The following ZNF587 variants were observed in gnomAD, a reference collection of about 807,000 sequenced individuals.
ZNF587 encodes zinc finger protein 587.
ZNF587 carries 8 observed loss-of-function variants against 7.5 expected under a neutral mutation model. That is an observed-to-expected ratio of 1.06 (90% CI 0.62 to 1.92). ZNF587 has a LOEUF of 1.92. ZNF587 is among the 40% of genes most tolerant of loss of function. ZNF587 has a pLI of 0.00. For missense variants in ZNF587, 468 were observed against 692.8 expected (o/e 0.68, Z 3.64); for synonymous variants, 145 against 237.8 (o/e 0.61, Z 3.59).
intron 1 of ZNF587, 68 bp from the exon 2 acceptor site, chr19:57,856,036 T>A: frequency 6.3e-7 from 1 of 1,599,060 alleles, no homozygotes; most frequent in Non-Finnish European, 8.5e-7. Flanking sequence ...AGGGTGGGTG[T>A]GTGGGAGAGG....
In ZNF587 at chr19:57,855,982, G is replaced by A. The variant is rs1369051531; in HGVS notation, c.34-122G>A. The A allele has an allele frequency of 4.0e-6, 6 of 1,507,542 alleles. No homozygotes were observed. In the Admixed American group the frequency reaches 6.7e-5, roughly 17 times the overall value. The allele number at this position is 1,507,542 out of a possible 1,614,324, so 93.4% of individuals were successfully genotyped here. ...TGAAGAGACAAAGGCACCAGTGGAT[G>A]TGGTTTCAACTCCGTGTTGGGGACC... is the stretch of plus-strand genomic sequence containing the variant. On this transcript the variant is annotated intron_variant, in intron 1 of 2. Coordinates refer to ENST00000339656, the MANE Select transcript of ZNF587 (RefSeq NM_032828.4).
chr19:57,862,097 A>T lies in ZNF587; in HGVS notation c.*1957A>T, dbSNP rs181928613. On this transcript the variant is annotated 3_prime_UTR_variant, in exon 3 of 3. Coordinates refer to ENST00000339656, the MANE Select transcript of ZNF587 (RefSeq NM_032828.4). ...CTGAATACTTGGTTTTCAGTACCAC[A>T]AGAACTATGAGCTGGTTATCCACTT... The T allele has an allele frequency of 6.6e-6, 1 of 152,184 alleles. No individual in the cohort carries two copies. The highest frequency in any genetic ancestry group is 2.4e-5 in the African/African-American group (1 of 41,528). 9.4% of individuals were successfully genotyped at this position (152,184 alleles called of 1,614,324 possible). A position where few individuals can be genotyped will look rare whatever the true frequency, so the allele number is the denominator to read the frequency against.
At chr19:57,854,293 C>G (rs2375150) in intron 1 of ZNF587, among the ~76,000 whole-genome samples, 5 of 151,322 alleles carry the variant, frequency 3.3e-5, no homozygotes, top group Admixed American at 6.6e-5. Context: ...AGGGCCATGG[C>G]TATCTGAAGC....
intron 1 of ZNF587, among the ~76,000 whole-genome samples, chr19:57,852,587 C>G (rs11878564): frequency 7.0e-6 from 1 of 142,582 alleles, no homozygotes; most frequent in Non-Finnish European, 1.5e-5. Context: ...AGTGCAATGG[C>G]GCAATCTTGG....
In ZNF587 at chr19:57,859,428, T is replaced by C; in HGVS notation, c.1016T>C (p.Leu339Pro). Residue 339 changes from leucine (L) to proline (P), a missense_variant, in exon 3 of 3, where the codon CTC becomes CCC. By Grantham distance (98) the Leu-to-Pro change is moderately conservative. This residue lies in a region of ZNF587 where 310 missense variants were observed against 325.6 expected (regional missense o/e 0.95). Transcript: ENST00000339656. The stretch of plus-strand genomic sequence containing the variant: ...AAATCTTTTGGTCAAAAGGGTAACC[T>C]CATTCAACATCAGCAAGGTCACACT... ...CGKSFGQKGN[L>P]IQHQQGHTGE... is the part of the protein sequence containing the mutation. 1 of 1,611,094 alleles carries C rather than the reference T, an allele frequency of 6.2e-7. No homozygotes were observed.
chr19:57,857,262 C>T (rs2071369359), intron 2 of ZNF587: 1 of 151,984 alleles, frequency 6.6e-6, no homozygotes, highest in Non-Finnish European at 1.5e-5. Flanking sequence ...CCAAATCATA[C>T]CAGAAACCAT....
At chr19:57,851,019 C>G (rs1440792368) in intron 1 of ZNF587, 1 of 152,942 alleles carries the variant, frequency 6.5e-6, no homozygotes, top group African/African-American at 2.4e-5. Context: ...CCTGAGCAAC[C>G]CATGGAATGC....
chr19:57,857,626 A>ATATG (rs1555775124), intron 2 of ZNF587, among the ~76,000 whole-genome samples: 5 of 151,508 alleles, frequency 3.3e-5, no homozygotes, highest in African/African-American at 1.2e-4. Flanking sequence ...ATATATATAT[A>ATATG]TGTGTGTGTG....
In ZNF587 at chr19:57,859,758, A is replaced by G. The variant is rs1177200495; in HGVS notation, c.1346A>G (p.Tyr449Cys). 6.2e-7 allele frequency: 1 copy of G among 1,613,132 alleles called. No homozygotes were observed. The highest frequency in any genetic ancestry group is 2.2e-5 in the East Asian group (1 of 44,818). ...RECGKLFNRK[Y>C]HLLVHERVHT... The stretch of plus-strand genomic sequence containing the variant: ...TGTGGGAAATTATTTAACAGGAAGT[A>G]TCATCTTCTGGTTCATGAGAGAGTT... Residue 449 changes from tyrosine (Y) to cysteine (C), a missense_variant, in exon 3 of 3, where the codon TAT becomes TGT. Physicochemically the swap from Tyr to Cys is radical, Grantham distance 194. Around this residue, in one of 5 missense-constraint regions of ZNF587, gnomAD observed 310 missense variants for 325.6 expected, o/e 0.95. Coordinates refer to ENST00000339656, the MANE Select transcript of ZNF587 (RefSeq NM_032828.4).
intron 1 of ZNF587, among the ~76,000 whole-genome samples, chr19:57,855,623 G>A (rs1420521000): frequency 6.7e-6 from 1 of 150,218 alleles, no homozygotes; most frequent in Non-Finnish European, 1.5e-5. Flanking sequence ...GTGCAGTGGT[G>A]TGATCTCGGC....
rs1396176549 is a variant in ZNF587, at chr19:57,860,020, T to C, written c.1608T>C (p.Ile536=). 1 of 1,614,068 alleles carries C rather than the reference T, an allele frequency of 6.2e-7. No homozygotes were observed. Among genetic ancestry groups the C allele is most frequent in the East Asian group, 2.2e-5 (1 of 44,866 alleles). The change falls in exon 3 of 3, where the codon ATT becomes ATC. Residue 536 remains isoleucine, a synonymous_variant. Transcript: ENST00000339656. ...CCTTTTCTGAATGTTCCAGTCTCAT[T>C]AAACACAGGAGAATTCACACTGGAG... ...GKSFSECSSL[I]KHRRIHTGER...
At chr19:57,850,235 T>C in intron 1 of ZNF587, 164 bp downstream of exon 1, 2 of 1,271,212 alleles carry the variant, frequency 1.6e-6, no homozygotes, top group South Asian at 1.3e-5. Flanking sequence ...TGGGTTCACG[T>C]TGCCAGCTGC....
At position 57,861,789 on chromosome 19, in the gene ZNF587, T is replaced by TTTTTTTTTTTTTTTTC. The variant is rs1555775628; in HGVS notation, c.*1649_*1650insTTTTTTTTTTTTTTTC. 4 of 148,050 alleles carry TTTTTTTTTTTTTTTTC rather than the reference T, an allele frequency of 2.7e-5. No homozygotes were observed. The highest frequency in any genetic ancestry group is 1.0e-4 in the African/African-American group (4 of 38,332). The allele number at this position is 148,050 out of a possible 1,614,324, so 9.2% of individuals were successfully genotyped here. A position where few individuals can be genotyped will look rare whatever the true frequency, so the allele number is the denominator to read the frequency against. On this transcript the variant is annotated 3_prime_UTR_variant, in exon 3 of 3. Transcript: ENST00000339656. Reference sequence around the variant, plus strand: ...TTTGGTTTTCTTTTTTTTTTTTTTTTCCAGATGGAGTCTAGCTCTGTCTCC... The same window carrying TTTTTTTTTTTTTTTTC: ...TTTGGTTTTCTTTTTTTTTTTTTTTTTTTTTTTTTTTTTTTCCCAGATGGAGTCTAGCTCTGTCTCC...
Position 57,856,195 on chromosome 19 carries a change from A to G in ZNF587, c.125A>G (p.Asp42Gly), listed in dbSNP as rs1358574006. Residue 42 changes from aspartate (D) to glycine (G), a missense_variant, in exon 2 of 3, where the codon GAT becomes GGT. Asp to Gly is a moderately conservative substitution (Grantham distance 94). This residue lies in a region of ZNF587 where 92 missense variants were observed against 89.7 expected (regional missense o/e 1.03). Transcript: ENST00000339656. ...LSEAQRCLYR[D>G]VMLENLALIS... is the part of the protein sequence containing the mutation. Reference sequence around the variant, plus strand: ...GAGGCTCAGAGGTGCTTGTACCGTGATGTGATGCTAGAGAACCTGGCTCTC... The same window carrying G: ...GAGGCTCAGAGGTGCTTGTACCGTGGTGTGATGCTAGAGAACCTGGCTCTC... 6.2e-7 allele frequency: 1 copy of G among 1,603,412 alleles called. No homozygotes were observed. The highest frequency in any genetic ancestry group is 1.3e-5 in the African/African-American group (1 of 74,466).
In ZNF587 at chr19:57,850,077, T is replaced by G. The variant is rs1568504509; in HGVS notation, c.33+6T>G. The G allele has an allele frequency of 6.2e-7, 1 of 1,614,250 alleles. No individual in the cohort carries two copies. Among genetic ancestry groups the G allele is most frequent in the South Asian group, 1.1e-5 (1 of 91,088 alleles). ...TGCCGAGGCGCCCAACTCAGGTAAT[T>G]GTGGTGCCTTCTGTGCCCTCAGGTC... On this transcript the variant is annotated splice_donor_region_variant and intron_variant, in intron 1 of 2. Coordinates refer to ENST00000339656, the MANE Select transcript of ZNF587 (RefSeq NM_032828.4).
intron 1 of ZNF587, among the ~76,000 whole-genome samples, chr19:57,855,118 A>C (rs1217940574): frequency 6.6e-6 from 1 of 151,936 alleles, no homozygotes; most frequent in Non-Finnish European, 1.5e-5. Flanking sequence ...TGGGAGGCAG[A>C]GCTTGCACTG....
chr19:57,858,506 G>A (rs992432473), intron 2 of ZNF587, 70 bp from the exon 3 acceptor site: 5 of 1,540,942 alleles, frequency 3.2e-6, no homozygotes, highest in Middle Eastern at 1.8e-4. Context: ...TTTGTGAGAC[G>A]TACTTGTGGG....
chr19:57,853,755 TTG>T (rs778008577), intron 1 of ZNF587: 6,482 of 145,750 alleles, frequency 0.044, 202 homozygotes, highest in Middle Eastern at 0.062. Context: ...TGTAACTTTT[TTG>T]TTTTTTTTTT....
Position 57,860,216 on chromosome 19 carries a change from G to T in ZNF587, c.*76G>T, listed in dbSNP as rs755772022. 3 of 1,609,616 alleles carry T rather than the reference G, an allele frequency of 1.9e-6. No individual in the cohort carries two copies. Among genetic ancestry groups the T allele is most frequent in the Non-Finnish European group, 2.5e-6 (3 of 1,177,158 alleles). ...ACAGGAGAGTTCATACTGGAGAAAG[G>T]CCTTATGAGTGCTGTCAATGTGGAA... On this transcript the variant is annotated 3_prime_UTR_variant, in exon 3 of 3. Coordinates refer to ENST00000339656, the MANE Select transcript of ZNF587 (RefSeq NM_032828.4).
Sources: gnomAD v4.1 joint callset for allele counts (sites outside exome capture counted in the v4.1 genomes callset) on GRCh38, gnomAD v4.1.1 for gene constraint, gnomAD v4.1.1 regional missense constraint, MANE v1.5 for transcripts, NCBI Gene and HGNC (gene_info 2026-07-23, HGNC 2026-07-21) for gene names.